MSH4: variants seen among roughly 807,000 people sequenced by gnomAD.
The protein encoded by MSH4 is mutS protein homolog 4.
A neutral mutation model predicts 113.7 loss-of-function variants in MSH4; 106 were observed. That is an observed-to-expected ratio of 0.93 (90% CI 0.80 to 1.10). The LOEUF (loss-of-function observed/expected upper bound fraction) is 1.10, where lower values mean the gene tolerates loss of function less well. Ranked by LOEUF, MSH4 falls within the 50% of genes least tolerant of loss-of-function variation. The pLI is 0.00. For synonymous variants in MSH4, 368 were observed against 380.2 expected, an observed-to-expected ratio of 0.97 and a Z score of 0.37; for missense variants, 1,061 against 1,093.7, an observed-to-expected ratio of 0.97 and a Z score of 0.42.
At position 75,822,868 on chromosome 1, in the gene MSH4, C is replaced by T. The variant is rs1444552608; in HGVS notation, c.1162+287C>T. Among the ~76,000 whole-genome samples the T allele has an allele frequency of 6.0e-5, 9 of 150,876 alleles. No individual in the cohort carries two copies. The East Asian group carries it at 9.7e-4, about 16-fold the overall frequency. ...TTCATAGATACTTTACATTCTTTTT[C>T]TCCATGGTAATCCTCAAAGATGGGA... On this transcript the variant is annotated intron_variant, in intron 7 of 19. Transcript: ENST00000263187.
At chr1:75,881,100 G>A in intron 13 of MSH4, 146 bp from the exon 14 acceptor site, 1 of 547,216 alleles carries the variant, frequency 1.8e-6, no homozygotes, top group Non-Finnish European at 2.9e-6. Flanking sequence ...AAATGAGACA[G>A]ATGAACAATA....
At chr1:75,821,562 G>T (rs1650411943) in intron 6 of MSH4, among the ~76,000 whole-genome samples, 1 of 152,112 alleles carries the variant, frequency 6.6e-6, no homozygotes, top group Admixed American at 6.5e-5. Context: ...GATCAGAGCA[G>T]AAATGAAGGA....
chr1:75,796,994 G>A lies in MSH4; in HGVS notation c.9G>A (p.Arg3=), dbSNP rs1649825087. 6.2e-7 allele frequency: 1 copy of A among 1,613,940 alleles called. No homozygotes were observed. The highest frequency in any genetic ancestry group is 8.5e-7 in the Non-Finnish European group (1 of 1,180,046). ...AGGGAAGGTTTGGGAGGATGCTGAG[G>A]CCTGAGATCTCATCAACCTCGCCTT... ML[R]PEISSTSPSA... Residue 3 remains arginine, a synonymous_variant, in exon 1 of 20, where the codon AGG becomes AGA. Coordinates refer to ENST00000263187, the MANE Select transcript of MSH4 (RefSeq NM_002440.4).
intron 3 of MSH4, among the ~76,000 whole-genome samples, chr1:75,810,412 AT>A (rs760146124): frequency 3.9e-4 from 41 of 104,486 alleles, no homozygotes; most frequent in Admixed American, 4.4e-4. Flanking sequence ...TAATTTTTGT[AT>A]TTTTTTTTTT....
In MSH4 at chr1:75,816,373, G is replaced by C. The variant is rs1387265331; in HGVS notation, c.816G>C (p.Lys272Asn). Residue 272 changes from lysine to asparagine, a missense_variant and splice_region_variant, in exon 6 of 20, where the codon AAG (lysine) becomes AAC (asparagine). Coordinates refer to ENST00000263187, the MANE Select transcript of MSH4 (RefSeq NM_002440.4). ...FSTVLMEVQS[K>N]YYCLAAVAAL... ...TGATGTATTATTGGTCATCTTTTAG[G>C]TATTACTGCCTTGCAGCTGTTGCAG... 6.3e-7 allele frequency: 1 copy of C among 1,594,644 alleles called. No homozygotes were observed. Among genetic ancestry groups the C allele is most frequent in the Admixed American group, 1.7e-5 (1 of 59,180 alleles).
At chr1:75,892,867 T>A (rs1652288168) in intron 17 of MSH4, among the ~76,000 whole-genome samples, 1 of 152,098 alleles carries the variant, frequency 6.6e-6, no homozygotes, top group Non-Finnish European at 1.5e-5. Flanking sequence ...GCTGCATGAA[T>A]CTGAAAACTT....
intron 8 of MSH4, among the ~76,000 whole-genome samples, chr1:75,858,590 C>A (rs967302220): frequency 6.6e-6 from 1 of 152,124 alleles, no homozygotes. Context: ...GTATGTTGAA[C>A]CAGACTCGCA....
At chr1:75,874,509 CAG>C (rs1411501597) in intron 9 of MSH4, among the ~76,000 whole-genome samples, 2 of 151,998 alleles carry the variant, frequency 1.3e-5, no homozygotes, top group African/African-American at 4.8e-5. Flanking sequence ...ATTTTATAGA[CAG>C]GGGTCTCGCT....
chr1:75,862,498 C>T (rs1326083937), intron 8 of MSH4, among the ~76,000 whole-genome samples: 1 of 152,178 alleles, frequency 6.6e-6, no homozygotes, highest in Non-Finnish European at 1.5e-5. Context: ...ATCTTTTTCT[C>T]ACCATTGTGT....
In MSH4 at chr1:75,880,149, T is replaced by C. The variant is rs1651899769; in HGVS notation, c.1777T>C (p.Tyr593His). ...TTTGAGAGAAATCTATCACATGACT[T>C]ATATGTAAGAGCATTTGAAGTATTT... Reference protein sequence around the residue: ...ESLREIYHMTYMIVCKLLSEI... With the variant: ...ESLREIYHMTHMIVCKLLSEI... Residue 593 changes from tyrosine (Y) to histidine (H), a missense_variant, in exon 13 of 20, where the codon TAT becomes CAT. Transcript: ENST00000263187. The C allele has an allele frequency of 6.7e-7, 1 of 1,486,596 alleles. No individual in the cohort carries two copies. The highest frequency in any genetic ancestry group is 9.3e-7 in the Non-Finnish European group (1 of 1,076,882). 92.1% of individuals were successfully genotyped at this position (1,486,596 alleles called of 1,614,324 possible). A position where few individuals can be genotyped will look rare whatever the true frequency, so the allele number is the denominator to read the frequency against.
intron 17 of MSH4, among the ~76,000 whole-genome samples, chr1:75,897,697 A>C (rs1454609651): frequency 1.3e-5 from 2 of 152,124 alleles, no homozygotes; most frequent in South Asian, 2.1e-4. Flanking sequence ...GTGCACAAAC[A>C]TAATAAACAT....
chr1:75,840,623 C>T (rs1301057055), intron 7 of MSH4, among the ~76,000 whole-genome samples: 1 of 149,860 alleles, frequency 6.7e-6, no homozygotes, highest in Non-Finnish European at 1.5e-5. Flanking sequence ...ACATATGTAA[C>T]TAACCTGCAC....
chr1:75,838,988 A>T (rs1650892425), intron 7 of MSH4, among the ~76,000 whole-genome samples: 2 of 152,160 alleles, frequency 1.3e-5, no homozygotes, highest in African/African-American at 2.4e-5. Flanking sequence ...ATATAAGGCT[A>T]GGACATAACA....
intron 8 of MSH4, among the ~76,000 whole-genome samples, chr1:75,863,503 T>C (rs1160968831): frequency 3.3e-5 from 5 of 152,182 alleles, no homozygotes; most frequent in Admixed American, 6.5e-5. Context: ...ACTTTTCTTC[T>C]GTTTCTCTGT....
chr1:75,899,153 A>G (rs1652450871), intron 18 of MSH4, among the ~76,000 whole-genome samples: 1 of 152,188 alleles, frequency 6.6e-6, no homozygotes, highest in African/African-American at 2.4e-5. Flanking sequence ...TTGAATTTGC[A>G]TATAGATTAC....
chr1:75,856,461 C>T (rs575737990), intron 8 of MSH4, among the ~76,000 whole-genome samples: 3 of 152,248 alleles, frequency 2.0e-5, no homozygotes, highest in South Asian at 4.1e-4. Flanking sequence ...CGACAGGCCC[C>T]GGTGTGTGGT....
chr1:75,867,478 T>C (rs5745433), intron 8 of MSH4, 36 bp from the exon 9 acceptor site: 24 of 1,091,924 alleles, frequency 2.2e-5, no homozygotes, highest in Non-Finnish European at 1.4e-6. Context: ...TAAATATTTA[T>C]GGTGTCCATC....
intron 1 of MSH4, among the ~76,000 whole-genome samples, chr1:75,799,873 T>A (rs1443251068): frequency 6.6e-6 from 1 of 152,168 alleles, no homozygotes; most frequent in Non-Finnish European, 1.5e-5. Flanking sequence ...AGCTCTGTTA[T>A]GGACATGCTG....
chr1:75,797,228 A>T lies in MSH4; in HGVS notation c.243A>T (p.Gln81His). 1.2e-6 allele frequency: 2 copies of T among 1,603,156 alleles called. 1 individual carries two copies. Among genetic ancestry groups the T allele is most frequent in the South Asian group, 2.2e-5 (2 of 89,512 alleles). Residue 81 changes from glutamine (Q) to histidine (H), a missense_variant and splice_region_variant, in exon 1 of 20, where the codon CAA becomes CAT. Physicochemically the swap from Gln to His is conservative, Grantham distance 24 (BLOSUM62 0). Coordinates refer to ENST00000263187, the MANE Select transcript of MSH4 (RefSeq NM_002440.4). Reference protein sequence around the residue: ...PCPAPNSRPAQGSYFGNKRAY... With the variant: ...PCPAPNSRPAHGSYFGNKRAY... Reference sequence around the variant, plus strand: ...CCGCGCCAAACTCCCGGCCAGCTCAAGGCAAGGAGTGATTGGGTGGAGGAG... The same window carrying T: ...CCGCGCCAAACTCCCGGCCAGCTCATGGCAAGGAGTGATTGGGTGGAGGAG...
Sources: allele counts gnomAD v4.1 joint callset (sites outside exome capture counted in the v4.1 genomes callset), GRCh38; gene constraint gnomAD v4.1.1; transcripts MANE v1.5; gene names NCBI Gene and HGNC (gene_info 2026-07-23, HGNC 2026-07-21).